ZNF676: variants seen among roughly 807,000 people sequenced by gnomAD.
The protein encoded by ZNF676 is zinc finger protein 676.
Under a neutral mutation model 6.0 loss-of-function variants are expected in ZNF676, and 4 were observed. That is an observed-to-expected ratio of 0.67 (90% CI 0.33 to 1.53). The LOEUF is 1.53. Ranked by LOEUF, ZNF676 falls within the 40% of genes most tolerant of loss-of-function variation. The pLI is 0.06. For synonymous variants in ZNF676, 198 were observed against 223.1 expected (o/e 0.89, Z 1.00); for missense variants, 644 against 679.7 (o/e 0.95, Z 0.58).
At chr19:22,229,476 G>A in the ZNF676 span, among the ~76,000 whole-genome samples, 1 of 152,100 alleles carries the variant, frequency 6.6e-6, no homozygotes, top group Non-Finnish European at 1.5e-5. Context: ...CAAAAGCAAT[G>A]GCAACAAAAG....
At position 22,194,990 on chromosome 19, in the gene ZNF676, C is replaced by T. The variant is rs141652520; in HGVS notation, c.34+1610G>A. On this transcript the variant is annotated intron_variant, in intron 1 of 2. Transcript: ENST00000397121. Reference sequence around the variant, plus strand: ...GGGACTAATTTTAGGCAAAAGCTGCCTTAACTTGCAAGGCATCACTGTAAT... The same window carrying T: ...GGGACTAATTTTAGGCAAAAGCTGCTTTAACTTGCAAGGCATCACTGTAAT... 5.8e-4 allele frequency among the ~76,000 whole-genome samples: 89 copies of T among 152,296 alleles called. 3 individuals carry two copies. In the East Asian group the frequency reaches 0.017, roughly 28 times the overall value.
At chr19:22,240,207 G>A in the ZNF676 span, among the ~76,000 whole-genome samples, 2 of 149,922 alleles carry the variant, frequency 1.3e-5, no homozygotes, top group Non-Finnish European at 2.9e-5. Context: ...CCTGTGGGCA[G>A]GGGCCAGGCA....
At chr19:22,217,223 AC>A (rs2024201041), upstream of ZNF676, among the ~76,000 whole-genome samples, 1 of 151,856 alleles carries the variant, frequency 6.6e-6, no homozygotes, top group Non-Finnish European at 1.5e-5. Flanking sequence ...ATTTATTGAG[AC>A]AGAGTTTCGC....
the ZNF676 span, among the ~76,000 whole-genome samples, chr19:22,230,462 C>T: frequency 3.3e-5 from 5 of 151,432 alleles, no homozygotes; most frequent in East Asian, 3.9e-4. Flanking sequence ...CAAACCTGCA[C>T]ATTCTGCACA....
chr19:22,235,016 GAAAGAAAGAAA>G, the ZNF676 span, among the ~76,000 whole-genome samples: 1 of 78,786 alleles, frequency 1.3e-5, no homozygotes, highest in African/African-American at 5.2e-5. Flanking sequence ...AAGAAAGAAA[GAAAGAAAGAAA>G]GAAAGAAAAG....
chr19:22,245,873 A>G, the ZNF676 span, among the ~76,000 whole-genome samples: 1 of 152,118 alleles, frequency 6.6e-6, no homozygotes, highest in Non-Finnish European at 1.5e-5. Flanking sequence ...GGGTTTGATG[A>G]TATGTCACAA....
chr19:22,255,327 G>C, the ZNF676 span, among the ~76,000 whole-genome samples: 21 of 152,288 alleles, frequency 1.4e-4, no homozygotes, highest in African/African-American at 4.6e-4. Flanking sequence ...GCGCACAGGA[G>C]TGTCATAATC....
intron 1 of ZNF676, among the ~76,000 whole-genome samples, chr19:22,205,515 T>G (rs1302278161): frequency 6.6e-6 from 1 of 152,176 alleles, no homozygotes; most frequent in African/African-American, 2.4e-5. Flanking sequence ...AACTGGAAAC[T>G]ATACAATTAA....
chr19:22,249,009 C>T, the ZNF676 span, among the ~76,000 whole-genome samples: 5 of 150,632 alleles, frequency 3.3e-5, no homozygotes, highest in East Asian at 1.9e-4. Flanking sequence ...GGATTACAGG[C>T]GTGAGCCACC....
the ZNF676 span, among the ~76,000 whole-genome samples, chr19:22,254,296 G>A: frequency 6.6e-6 from 1 of 152,094 alleles, no homozygotes; most frequent in Non-Finnish European, 1.5e-5. Flanking sequence ...TGGCAGGAGA[G>A]ACACATCATC....
the ZNF676 span, among the ~76,000 whole-genome samples, chr19:22,245,824 G>A: frequency 2.0e-5 from 3 of 152,182 alleles, no homozygotes; most frequent in African/African-American, 4.8e-5. Flanking sequence ...GCATATCCAG[G>A]GCTCAAGCAG....
In ZNF676 at chr19:22,180,512, G is replaced by T. The variant is rs762278426; in HGVS notation, c.1205C>A (p.Ser402Tyr). ...PYKCEECGKASNSSSKLMEHK... is the reference protein window; with the variant it reads ...PYKCEECGKAYNSSSKLMEHK... ...TTCCATGAGCTTTGAGGATGAGTTG[G>T]AAGCTTTGCCACATTCTTCACATTT... Residue 402 changes from serine to tyrosine, a missense_variant, in exon 3 of 3, where the codon TCC (serine) becomes TAC (tyrosine). Physicochemically the swap from Ser to Tyr is moderately radical, Grantham distance 144. Transcript: ENST00000397121. The T allele has an allele frequency of 1.9e-5, 30 of 1,600,612 alleles. No individual in the cohort carries two copies. The highest frequency in any genetic ancestry group is 2.4e-5 in the Non-Finnish European group (28 of 1,176,106).
At chr19:22,252,446 A>AG in the ZNF676 span, among the ~76,000 whole-genome samples, 1 of 152,056 alleles carries the variant, frequency 6.6e-6, no homozygotes, top group Admixed American at 6.6e-5. Flanking sequence ...GAAAAAAAAA[A>AG]AAGAAGAGTC....
At chr19:22,195,377 C>T (rs1032260674) in intron 1 of ZNF676, among the ~76,000 whole-genome samples, 1 of 152,210 alleles carries the variant, frequency 6.6e-6, no homozygotes, top group Non-Finnish European at 1.5e-5. Context: ...TTCTAATAAT[C>T]TGTCCAAGCC....
At chr19:22,243,092 C>T in the ZNF676 span, among the ~76,000 whole-genome samples, 19 of 151,898 alleles carry the variant, frequency 1.3e-4, 1 homozygote, top group African/African-American at 4.6e-4. Context: ...GTCACATCAC[C>T]TAGGTGCTGG....
intron 2 of ZNF676, 134 bp downstream of exon 2, chr19:22,192,881 TA>T: frequency 1.0e-6 from 1 of 996,786 alleles, no homozygotes; most frequent in Non-Finnish European, 1.4e-6. Context: ...GAGAGAAAAT[TA>T]AAAAATAAAA....
the ZNF676 span, among the ~76,000 whole-genome samples, chr19:22,236,758 A>T: frequency 6.6e-6 from 1 of 152,128 alleles, no homozygotes; most frequent in African/African-American, 2.4e-5. Flanking sequence ...ATTAAGCAGG[A>T]ATGTAGTAGG....
the ZNF676 span, among the ~76,000 whole-genome samples, chr19:22,221,878 G>C: frequency 6.6e-6 from 1 of 152,060 alleles, no homozygotes; most frequent in African/African-American, 2.4e-5. Flanking sequence ...TCTCTGTTAA[G>C]TCCATTTGTT....
the ZNF676 span, among the ~76,000 whole-genome samples, chr19:22,253,372 G>GTGTATA: frequency 2.0e-4 from 18 of 90,840 alleles, no homozygotes; most frequent in East Asian, 1.5e-3. Context: ...GTGTGTGTGT[G>GTGTATA]TATATATATA....
Sources: gnomAD v4.1 joint callset for allele counts (sites outside exome capture counted in the v4.1 genomes callset) on GRCh38, gnomAD v4.1.1 for gene constraint, MANE v1.5 for transcripts, NCBI Gene and HGNC (gene_info 2026-07-23, HGNC 2026-07-21) for gene names.